EFHC1: variants seen among roughly 807,000 people sequenced by gnomAD.
EFHC1 encodes EF-hand domain containing 1.
EFHC1 carries 53 observed loss-of-function variants against 69.9 expected under a neutral mutation model. That is an observed-to-expected ratio of 0.76 (90% confidence interval 0.61 to 0.95). The LOEUF is 0.95. Ranked by LOEUF, EFHC1 falls within the 40% of genes least tolerant of loss-of-function variation. The pLI is 0.00. For synonymous variants in EFHC1, 256 were observed against 278.4 expected, an observed-to-expected ratio of 0.92 and a Z score of 0.80; for missense variants, 739 against 798.7, an observed-to-expected ratio of 0.93 and a Z score of 0.90.
intron 2 of EFHC1, among the ~76,000 whole-genome samples, chr6:52,428,727 G>A (rs113265529): frequency 5.3e-5 from 8 of 152,134 alleles, no homozygotes; most frequent in Admixed American, 2.0e-4. Flanking sequence ...GGATCAAATG[G>A]TGGTTCTACT....
At position 52,493,176 on chromosome 6, in the gene EFHC1, C is replaced by A. The variant is rs1451167032; in HGVS notation, c.*835C>A. The stretch of plus-strand genomic sequence containing the variant: ...GGAAACATCAGCTGTTGGTCTGGAG[C>A]CTGCTGACCTTCAGACTGGACCTAA... On this transcript the variant is annotated 3_prime_UTR_variant, in exon 11 of 11. Coordinates refer to ENST00000371068, the MANE Select transcript of EFHC1 (RefSeq NM_018100.4). The A allele has an allele frequency of 2.2e-6, 1 of 453,592 alleles. No individual in the cohort carries two copies. The highest frequency in any genetic ancestry group is 2.0e-5 in the African/African-American group (1 of 49,930). 28.1% of individuals were successfully genotyped at this position (453,592 alleles called of 1,614,324 possible).
rs550075210 is a variant in EFHC1 at position 52,439,612 on chromosome 6, GA to G, written c.573+1022del. Among the ~76,000 whole-genome samples the G allele has an allele frequency of 7.9e-5, 12 of 152,264 alleles. No individual in the cohort carries two copies. The South Asian group carries it at 2.5e-3, about 32-fold the overall frequency. ...AAATAAATAGATTGGTTATATGTCA[GA>G]TGATGATAACAGCAATGGAGGAAAA... On this transcript the variant is annotated intron_variant, in intron 3 of 10. Transcript: ENST00000371068.
At chr6:52,466,146 A>T (rs1765302332) in intron 6 of EFHC1, among the ~76,000 whole-genome samples, 1 of 152,180 alleles carries the variant, frequency 6.6e-6, no homozygotes, top group South Asian at 2.1e-4. Context: ...GACAGTTAAA[A>T]TACACCCATT....
In EFHC1 at chr6:52,466,732, G is replaced by C. The variant is rs530801443; in HGVS notation, c.1137+1617G>C. ...GGCTATGAAGGTGTTCTGCAAAAAGGAAGTGATGTCTTAGGCAAAACTTTT... is the reference window on the plus strand; with the variant it reads ...GGCTATGAAGGTGTTCTGCAAAAAGCAAGTGATGTCTTAGGCAAAACTTTT... On this transcript the variant is annotated intron_variant, in intron 6 of 10. Transcript: ENST00000371068. Among the ~76,000 whole-genome samples the C allele has an allele frequency of 7.9e-5, 12 of 152,330 alleles. No homozygotes were observed. The South Asian group carries it at 2.5e-3, about 32-fold the overall frequency.
At chr6:52,486,093 G>C (rs1317484670) in intron 9 of EFHC1, 2 of 152,182 alleles carry the variant, frequency 1.3e-5, no homozygotes, top group Non-Finnish European at 2.9e-5. Context: ...GCGATCTAAG[G>C]AAATGCAGTT....
At chr6:52,468,545 C>A (rs555045459) in intron 6 of EFHC1, 1 of 152,354 alleles carries the variant, frequency 6.6e-6, no homozygotes, top group Non-Finnish European at 1.5e-5. Flanking sequence ...AATCCTTCAA[C>A]CCTCAGTGAC....
intron 9 of EFHC1, chr6:52,483,526 A>ATTCT (rs1765723499): frequency 6.6e-6 from 1 of 152,270 alleles, no homozygotes; most frequent in Non-Finnish European, 1.5e-5. Flanking sequence ...TGTAGCTCAA[A>ATTCT]GGCAGTTCTG....
At chr6:52,482,342 CA>C (rs200374106) in intron 9 of EFHC1, 3,250 of 134,472 alleles carry the variant, frequency 0.024, 114 homozygotes, top group African/African-American at 0.081. Context: ...GTCTCCGTCT[CA>C]AAAAAAAAAA....
At chr6:52,457,740 AAT>A (rs1479394302) in intron 5 of EFHC1, among the ~76,000 whole-genome samples, 3 of 152,124 alleles carry the variant, frequency 2.0e-5, no homozygotes, top group Non-Finnish European at 4.4e-5. Context: ...TGAAAGTCTA[AAT>A]ATGTTAGTTA....
intron 3 of EFHC1, among the ~76,000 whole-genome samples, chr6:52,445,622 T>C (rs1764766825): frequency 6.6e-6 from 1 of 152,208 alleles, no homozygotes; most frequent in Non-Finnish European, 1.5e-5. Context: ...TGTTTGCTCT[T>C]GCTTCTCTGG....
rs546929829 is a variant in EFHC1, at chr6:52,455,543, A to G, written c.916+1256A>G. ...GTGGCGTGCACCTGTAGTCCCAGCT[A>G]CTCAGGAGGCTGAGGCAGGAGAATT... On this transcript the variant is annotated intron_variant, in intron 5 of 10. Coordinates refer to ENST00000371068, the MANE Select transcript of EFHC1 (RefSeq NM_018100.4). Among the ~76,000 whole-genome samples the G allele has an allele frequency of 2.6e-5, 4 of 152,116 alleles. No homozygotes were observed. The East Asian group carries it at 7.8e-4, about 30-fold the overall frequency.
At chr6:52,488,154 T>C (rs904367616) in intron 9 of EFHC1, 12 of 152,234 alleles carry the variant, frequency 7.9e-5, no homozygotes, top group Non-Finnish European at 1.6e-4. Context: ...TTTAACTTTA[T>C]ATGTTTCATG....
chr6:52,447,454 G>T (rs1764812169), intron 3 of EFHC1, among the ~76,000 whole-genome samples: 3 of 152,116 alleles, frequency 2.0e-5, no homozygotes, highest in Non-Finnish European at 4.4e-5. Context: ...ATTCTAGTTA[G>T]CCATTCGTCT....
intron 2 of EFHC1, among the ~76,000 whole-genome samples, chr6:52,428,509 A>G (rs1481663011): frequency 6.6e-6 from 1 of 152,224 alleles, no homozygotes; most frequent in African/African-American, 2.4e-5. Context: ...GTCACTGTGA[A>G]TGCTATTAAT....
In EFHC1 at chr6:52,465,123, G is replaced by T. The variant is rs1403170162; in HGVS notation, c.1137+8G>T. On this transcript the variant is annotated splice_region_variant and intron_variant, in intron 6 of 10. Transcript: ENST00000371068. ...CCACCTCCAGTAAAACAGGTAATCA[G>T]ATAGTACTTCTTAGTGTGGTGAGAA... The T allele has an allele frequency of 6.2e-7, 1 of 1,611,966 alleles. No homozygotes were observed. The highest frequency in any genetic ancestry group is 1.1e-5 in the South Asian group (1 of 91,062).
At chr6:52,434,465 G>A (rs1216644690) in intron 2 of EFHC1, among the ~76,000 whole-genome samples, 2 of 152,144 alleles carry the variant, frequency 1.3e-5, no homozygotes, top group African/African-American at 4.8e-5. Flanking sequence ...CCTCAGTGGG[G>A]GTGTGTGTTC....
At chr6:52,473,757 G>A (rs950349397) in intron 7 of EFHC1, among the ~76,000 whole-genome samples, 2 of 151,996 alleles carry the variant, frequency 1.3e-5, no homozygotes, top group African/African-American at 2.4e-5. Flanking sequence ...ACTTCAGCCT[G>A]GGTGGCAGAG....
At chr6:52,428,887 T>C (rs1476164864) in intron 2 of EFHC1, among the ~76,000 whole-genome samples, 1 of 152,188 alleles carries the variant, frequency 6.6e-6, no homozygotes, top group Non-Finnish European at 1.5e-5. Flanking sequence ...TGGCCATTCT[T>C]GCAGGACTAA....
chr6:52,423,657 ATTTTTTTTTTTTTTT>A (rs59383268), intron 1 of EFHC1: 4 of 263,444 alleles, frequency 1.5e-5, no homozygotes, highest in Non-Finnish European at 1.3e-5. Flanking sequence ...CACCCAGCTA[ATTTTTTTTTTTTTTT>A]TTTTTTTTTT....
Sources: allele counts gnomAD v4.1 joint callset (sites outside exome capture counted in the v4.1 genomes callset), GRCh38; gene constraint gnomAD v4.1.1; transcripts MANE v1.5; gene names NCBI Gene and HGNC (gene_info 2026-07-23, HGNC 2026-07-21).